ANKRD22: variants seen among roughly 807,000 people sequenced by gnomAD.
ANKRD22 encodes ankyrin repeat domain 22.
A neutral mutation model predicts 25.7 loss-of-function variants in ANKRD22; 24 were observed. The observed-to-expected ratio is 0.93, with a 90% CI of 0.68 to 1.31. ANKRD22 has a LOEUF of 1.31. Among genes scored for constraint, ANKRD22 ranks in the 50% most tolerant of loss-of-function variants. The pLI, the probability that ANKRD22 is intolerant of heterozygous loss-of-function variation, is 0.00. For synonymous variants in ANKRD22, 84 were observed against 84.3 expected (o/e 1.00, Z 0.02); for missense variants, 214 against 227.1 (o/e 0.94, Z 0.37).
intron 1 of ANKRD22, among the ~76,000 whole-genome samples, chr10:88,843,482 T>G (rs1844021565): frequency 6.6e-6 from 1 of 152,192 alleles, no homozygotes; most frequent in Admixed American, 6.6e-5. Context: ...AAGATTCATG[T>G]GGTCTGATGG....
chr10:88,832,067 A>G (rs1260279920), intron 1 of ANKRD22, 41 bp from the exon 2 acceptor site: 1 of 1,545,212 alleles, frequency 6.5e-7, no homozygotes, highest in East Asian at 2.3e-5. Flanking sequence ...AAATACTGGC[A>G]TAATTAAACC....
At chr10:88,840,313 TATGTATTACTTA>T (rs1442168624) in intron 1 of ANKRD22, among the ~76,000 whole-genome samples, 1 of 152,190 alleles carries the variant, frequency 6.6e-6, no homozygotes, top group Non-Finnish European at 1.5e-5. Context: ...TGATTAACTG[TATGTATTACTTA>T]ATAATATTTT....
rs139045902 is a variant in ANKRD22 at position 88,838,163 on chromosome 10, A to G, written c.22-6137T>C. ...CTGTCTACATGAAATGAATAAAAATATAAAATGGCTTTGAAAACCAGGTTG... is the reference window on the plus strand; with the variant it reads ...CTGTCTACATGAAATGAATAAAAATGTAAAATGGCTTTGAAAACCAGGTTG... On this transcript the variant is annotated intron_variant, in intron 1 of 5. Transcript: ENST00000371930. Among the ~76,000 whole-genome samples, 930 of 152,314 alleles carry G rather than the reference A, an allele frequency of 6.1e-3. 10 individuals are homozygous for G. The highest frequency in any genetic ancestry group is 0.021 in the African/African-American group (858 of 41,570).
intron 1 of ANKRD22, among the ~76,000 whole-genome samples, chr10:88,835,471 G>C (rs1421966925): frequency 1.3e-5 from 2 of 152,170 alleles, no homozygotes; most frequent in Admixed American, 6.5e-5. Context: ...CTAGATGGTA[G>C]AGCCTATTAC....
intron 1 of ANKRD22, among the ~76,000 whole-genome samples, chr10:88,834,994 T>A (rs1333453998): frequency 6.6e-6 from 1 of 152,026 alleles, no homozygotes; most frequent in Non-Finnish European, 1.5e-5. Flanking sequence ...CATATTCCTG[T>A]AGGATACCAA....
At chr10:88,823,832 A>AAAAAAAAG (rs1398079756) in intron 4 of ANKRD22, among the ~76,000 whole-genome samples, 3 of 151,662 alleles carry the variant, frequency 2.0e-5, no homozygotes, top group Non-Finnish European at 4.4e-5. Context: ...CGTCTCAAAA[A>AAAAAAAAG]AAAAAAAAAA....
At chr10:88,840,271 T>A (rs1843992421) in intron 1 of ANKRD22, among the ~76,000 whole-genome samples, 1 of 152,208 alleles carries the variant, frequency 6.6e-6, no homozygotes, top group Non-Finnish European at 1.5e-5. Flanking sequence ...ATCCGGTATG[T>A]TGATGATTAA....
intron 1 of ANKRD22, among the ~76,000 whole-genome samples, chr10:88,838,371 G>T (rs1843974756): frequency 6.6e-6 from 1 of 152,096 alleles, no homozygotes; most frequent in Non-Finnish European, 1.5e-5. Context: ...CAGTCTTAAT[G>T]GGCATCATAT....
chr10:88,850,899 GGAGA>G (rs1002963686), intron 1 of ANKRD22, among the ~76,000 whole-genome samples: 1 of 151,958 alleles, frequency 6.6e-6, no homozygotes, highest in Non-Finnish European at 1.5e-5. Flanking sequence ...TTGTGTCAGA[GGAGA>G]GAGAGAGTAA....
At position 88,851,801 on chromosome 10, in the gene ANKRD22, C is replaced by A; in HGVS notation, c.-194G>T. Reference sequence around the variant, plus strand: ...GCAGCTCAGGCAGCAGCACACCTTCCAGAGAGCCCAGCCCAATGAAACAAA... The same window carrying A: ...GCAGCTCAGGCAGCAGCACACCTTCAAGAGAGCCCAGCCCAATGAAACAAA... On this transcript the variant is annotated 5_prime_UTR_variant, in exon 1 of 6. The change creates a premature stop within an existing upstream ORF in the 5' untranslated region. Transcript: ENST00000371930. 1.7e-6 allele frequency: 1 copy of A among 605,840 alleles called. No individual in the cohort carries two copies. The allele number at this position is 605,840 out of a possible 1,614,324, so 37.5% of individuals were successfully genotyped here. A position where few individuals can be genotyped will look rare whatever the true frequency, so the allele number is the denominator to read the frequency against.
At chr10:88,837,415 G>C (rs989496195) in intron 1 of ANKRD22, among the ~76,000 whole-genome samples, 1 of 152,164 alleles carries the variant, frequency 6.6e-6, no homozygotes, top group African/African-American at 2.4e-5. Context: ...TGAGAGGGTA[G>C]ATAATTGATC....
At position 88,823,314 on chromosome 10, in the gene ANKRD22, A is replaced by G. The variant is rs944358784; in HGVS notation, c.464T>C (p.Leu155Ser). 3 of 1,614,098 alleles carry G rather than the reference A, an allele frequency of 1.9e-6. No homozygotes were observed. The East Asian group carries it at 6.7e-5, about 36-fold the overall frequency. ...MKNQSLIPLL[L>S]EARADPTIKN... ...TATTGTGGGGTCTGCACGGGCTTCC[A>G]AGAGCAGAGGGATAAGAGACTGGTT... Residue 155 changes from leucine (L) to serine (S), a missense_variant, in exon 5 of 6, where the codon TTG becomes TCG. Transcript: ENST00000371930.
chr10:88,823,313 C>T lies in ANKRD22; in HGVS notation c.465G>A (p.Leu155=), dbSNP rs1201367488. ...TTATTGTGGGGTCTGCACGGGCTTC[C>T]AAGAGCAGAGGGATAAGAGACTGGT... ...MKNQSLIPLL[L]EARADPTIKN... Residue 155 remains leucine, a synonymous_variant, in exon 5 of 6, where the codon TTG becomes TTA. Coordinates refer to ENST00000371930, the MANE Select transcript of ANKRD22 (RefSeq NM_144590.3). 8 of 1,614,014 alleles carry T rather than the reference C, an allele frequency of 5.0e-6. No homozygotes were observed. The highest frequency in any genetic ancestry group is 1.3e-5 in the African/African-American group (1 of 75,016).
At chr10:88,849,006 A>G (rs1037811589) in intron 1 of ANKRD22, among the ~76,000 whole-genome samples, 5 of 149,234 alleles carry the variant, frequency 3.4e-5, no homozygotes, top group African/African-American at 4.9e-5. Context: ...GTGCATGTGC[A>G]TGTGTGTGTG....
rs1410418489 is a variant in ANKRD22, at chr10:88,823,053, G to A, written c.499-35C>T. 1.9e-6 allele frequency: 3 copies of A among 1,587,458 alleles called. No individual in the cohort carries two copies. The East Asian group carries it at 6.7e-5, about 35-fold the overall frequency. ...GAAAAATATACAGTTATTTCCAATA[G>A]AGTGCCCAAGATCTCGTACGTAGCT... On this transcript the variant is annotated intron_variant, in intron 5 of 5. Transcript: ENST00000371930.
At chr10:88,841,355 G>C (rs1364952848) in intron 1 of ANKRD22, among the ~76,000 whole-genome samples, 1 of 151,952 alleles carries the variant, frequency 6.6e-6, no homozygotes, top group East Asian at 1.9e-4. Context: ...GTAACATCCA[G>C]TTCTACAAAA....
At chr10:88,827,259 C>T (rs1843863872) in intron 3 of ANKRD22, among the ~76,000 whole-genome samples, 1 of 152,180 alleles carries the variant, frequency 6.6e-6, no homozygotes, top group Non-Finnish European at 1.5e-5. Context: ...CCTATCATTT[C>T]CTCTCATGTC....
intron 1 of ANKRD22, among the ~76,000 whole-genome samples, chr10:88,840,191 C>T (rs879873533): frequency 6.6e-6 from 1 of 152,152 alleles, no homozygotes; most frequent in Non-Finnish European, 1.5e-5. Context: ...TAAGGTTTCA[C>T]TCTGTTCACT....
chr10:88,845,881 C>T (rs1383377129), intron 1 of ANKRD22, among the ~76,000 whole-genome samples: 1 of 152,098 alleles, frequency 6.6e-6, no homozygotes. Flanking sequence ...TTGTGTTTTG[C>T]ATAAAATCTA....
Sources: allele counts gnomAD v4.1 joint callset (sites outside exome capture counted in the v4.1 genomes callset), GRCh38; gene constraint gnomAD v4.1.1; transcripts MANE v1.5; gene names NCBI Gene and HGNC (gene_info 2026-07-23, HGNC 2026-07-21).